The following TMEM132B variants were observed in gnomAD, a reference collection of about 807,000 sequenced individuals.
TMEM132B encodes transmembrane protein 132B.
TMEM132B carries 18 observed loss-of-function variants against 90.8 expected under a neutral mutation model. The observed-to-expected ratio is 0.20, with a 90% CI of 0.14 to 0.29. The LOEUF (loss-of-function observed/expected upper bound fraction) is 0.29, where lower values mean the gene tolerates loss of function less well. Ranked by LOEUF, TMEM132B falls within the 10% of genes least tolerant of loss-of-function variation. The pLI, the probability that TMEM132B is intolerant of heterozygous loss-of-function variation, is 1.00. For synonymous variants in TMEM132B, 504 were observed against 523.3 expected (o/e 0.96, Z 0.50); for missense variants, 1,096 against 1,326.8 (o/e 0.83, Z 2.70).
chr12:125,215,874 C>T (rs933380999), intron 1 of TMEM132B, among the ~76,000 whole-genome samples: 3 of 152,214 alleles, frequency 2.0e-5, no homozygotes, highest in Non-Finnish European at 4.4e-5. Flanking sequence ...ACTGGGTCCA[C>T]CTGGATAACA....
At chr12:125,649,707 C>T in intron 6 of TMEM132B, among the ~76,000 whole-genome samples, 1 of 152,142 alleles carries the variant, frequency 6.6e-6, no homozygotes, top group Admixed American at 6.5e-5. Context: ...CTGACAGAAT[C>T]CCCAGGCACT....
Position 125,401,195 on chromosome 12 carries a change from A to G in TMEM132B, c.960-14336A>G, listed in dbSNP as rs564266187. On this transcript the variant is annotated intron_variant, in intron 2 of 8. Transcript: ENST00000682704. Reference sequence around the variant, plus strand: ...TTCGTGGGACATCCAGAGACGGATGACACCTTAGATAAAGACCCTTCATTC... The same window carrying G: ...TTCGTGGGACATCCAGAGACGGATGGCACCTTAGATAAAGACCCTTCATTC... Among the ~76,000 whole-genome samples the G allele has an allele frequency of 9.8e-5, 15 of 152,306 alleles. No homozygotes were observed. The East Asian group carries it at 2.5e-3, about 25-fold the overall frequency.
rs11058162 is a variant in TMEM132B, at chr12:125,413,874, A to G, written c.960-1657A>G. Among the ~76,000 whole-genome samples, 502 of 128,686 alleles carry G rather than the reference A, an allele frequency of 3.9e-3. 3 individuals carry two copies. Among genetic ancestry groups the G allele is most frequent in the Admixed American group, 6.4e-3 (85 of 13,242 alleles). 84.4% of individuals were successfully genotyped at this position (128,686 alleles called of 152,430 possible). On this transcript the variant is annotated intron_variant, in intron 2 of 8. Coordinates refer to ENST00000682704, the MANE Select transcript of TMEM132B (RefSeq NM_001366854.1). Reference sequence around the variant, plus strand: ...GTATATACCTAGGAGTGGAATTGCTAGACCATATGGTAATTCTGTTTAACT... The same window carrying G: ...GTATATACCTAGGAGTGGAATTGCTGGACCATATGGTAATTCTGTTTAACT...
intron 4 of TMEM132B, among the ~76,000 whole-genome samples, chr12:125,547,893 G>A (rs1884131140): frequency 6.6e-6 from 1 of 152,188 alleles, no homozygotes; most frequent in Non-Finnish European, 1.5e-5. Context: ...GTGCAGCCCC[G>A]AGTTAGCACA....
chr12:125,370,447 A>G (rs1400012462), intron 2 of TMEM132B, among the ~76,000 whole-genome samples: 1 of 152,222 alleles, frequency 6.6e-6, no homozygotes. Flanking sequence ...GTCAACCAAC[A>G]TCTTTTGACT....
At chr12:125,223,725 T>C (rs1210844085) in intron 1 of TMEM132B, among the ~76,000 whole-genome samples, 3 of 152,208 alleles carry the variant, frequency 2.0e-5, no homozygotes, top group African/African-American at 7.2e-5. Flanking sequence ...TTGCCTATTC[T>C]GAACATTTAC....
At chr12:125,279,286 A>C (rs924432) in intron 1 of TMEM132B, among the ~76,000 whole-genome samples, 44,037 of 152,110 alleles carry the variant, frequency 0.29, 7,094 homozygotes, top group East Asian at 0.49. Context: ...AGCAGGCCTG[A>C]GACTGTTATC....
At chr12:125,317,313 A>T (rs889641295) in intron 1 of TMEM132B, among the ~76,000 whole-genome samples, 2 of 152,022 alleles carry the variant, frequency 1.3e-5, no homozygotes, top group African/African-American at 2.4e-5. Context: ...CGATTGTTTA[A>T]ATTCACCTGC....
In TMEM132B at chr12:125,209,642, G is replaced by A. The variant is rs1307963823; in HGVS notation, c.67+22776G>A. Among the ~76,000 whole-genome samples, 1 of 152,262 alleles carries A rather than the reference G, an allele frequency of 6.6e-6. No individual in the cohort carries two copies. The highest frequency in any genetic ancestry group is 2.4e-5 in the African/African-American group (1 of 41,462). The stretch of plus-strand genomic sequence containing the variant: ...CCACCGGCCATTGGCCCAGATCACA[G>A]GCACCTCTTTGGCAGATGTGGAGTC... On this transcript the variant is annotated intron_variant, in intron 1 of 8. Transcript: ENST00000682704. This position sits in a 1 kb window ranked among gnomAD's most constrained non-coding sequence, Gnocchi z 4.4.
chr12:125,366,617 G>C (rs895813849), intron 2 of TMEM132B, among the ~76,000 whole-genome samples: 2 of 152,058 alleles, frequency 1.3e-5, no homozygotes, highest in African/African-American at 4.8e-5. Flanking sequence ...GCCTTTCAAC[G>C]GTTTAGCTAC....
At position 125,645,110 on chromosome 12, in the gene TMEM132B, C is replaced by T. The variant is rs573522467; in HGVS notation, c.1643+829C>T. 8.7e-5 allele frequency among the ~76,000 whole-genome samples: 13 copies of T among 150,040 alleles called. No homozygotes were observed. In the South Asian group the frequency reaches 2.1e-3, roughly 24 times the overall value. On this transcript the variant is annotated intron_variant, in intron 6 of 8. Transcript: ENST00000682704. ...GTGGGCGCCTATAGTCCCAGCTACTCGGGAAGCTGAGGCAGGAGAATGGCC... is the reference window on the plus strand; with the variant it reads ...GTGGGCGCCTATAGTCCCAGCTACTTGGGAAGCTGAGGCAGGAGAATGGCC...
chr12:125,502,112 C>A (rs1882716107), intron 3 of TMEM132B, among the ~76,000 whole-genome samples: 1 of 152,166 alleles, frequency 6.6e-6, no homozygotes, highest in Non-Finnish European at 1.5e-5. Context: ...GGGATCTTTG[C>A]CCTTGCTGTT....
chr12:125,348,667 C>A (rs546769624), intron 1 of TMEM132B, among the ~76,000 whole-genome samples: 3 of 152,102 alleles, frequency 2.0e-5, no homozygotes, highest in African/African-American at 7.2e-5. Flanking sequence ...TTAATCCTTG[C>A]GGCAACCCAG....
intron 1 of TMEM132B, among the ~76,000 whole-genome samples, chr12:125,259,858 G>T (rs1045096261): frequency 1.3e-5 from 2 of 151,892 alleles, no homozygotes; most frequent in Non-Finnish European, 2.9e-5. Flanking sequence ...GAGAGGATGG[G>T]GGTGCTGCCG....
At chr12:125,322,293 T>G (rs1316025168) in intron 1 of TMEM132B, among the ~76,000 whole-genome samples, 3 of 152,228 alleles carry the variant, frequency 2.0e-5, no homozygotes, top group Non-Finnish European at 4.4e-5. Context: ...AGATGTGCCT[T>G]TGTTCCTCCT....
intron 4 of TMEM132B, among the ~76,000 whole-genome samples, chr12:125,531,630 A>G (rs1314641764): frequency 6.6e-6 from 1 of 152,248 alleles, no homozygotes; most frequent in East Asian, 1.9e-4. Flanking sequence ...TATCTAGAAT[A>G]GACTGAAGGT....
rs766246833 is a variant in TMEM132B at position 125,349,640 on chromosome 12, C to G, written c.256C>G (p.Pro86Ala). Reference sequence around the variant, plus strand: ...ATTCTTCATCTACCGAGCCAGGACACCCCCTATTATCAATGCCAGCTATGG... The same window carrying G: ...ATTCTTCATCTACCGAGCCAGGACAGCCCCTATTATCAATGCCAGCTATGG... Reference protein sequence around the residue: ...EPFFIYRARTPPIINASYGPF... With the variant: ...EPFFIYRARTAPIINASYGPF... Residue 86 changes from proline to alanine, a missense_variant, in exon 2 of 9, where the codon CCC (proline) becomes GCC (alanine). By Grantham distance (27) the Pro-to-Ala change is conservative. Transcript: ENST00000682704. The surrounding 1 kb of genome is among the most constrained non-coding windows in gnomAD (Gnocchi z 4.1). The G allele has an allele frequency of 4.3e-6, 7 of 1,614,162 alleles. No individual in the cohort carries two copies. In the South Asian group the frequency reaches 7.7e-5, roughly 18 times the overall value.
intron 1 of TMEM132B, among the ~76,000 whole-genome samples, chr12:125,275,098 C>T (rs1874954342): frequency 6.6e-6 from 1 of 152,232 alleles, no homozygotes; most frequent in Non-Finnish European, 1.5e-5. Flanking sequence ...CTTTACCCAA[C>T]TTCCTCATTC....
chr12:125,432,554 G>T (rs185061950), intron 3 of TMEM132B, among the ~76,000 whole-genome samples: 3 of 72,780 alleles, frequency 4.1e-5, no homozygotes, highest in South Asian at 8.0e-4. Flanking sequence ...GAGAGAGAGA[G>T]AGAGAGAGAG....
Sources: allele counts gnomAD v4.1 joint callset (sites outside exome capture counted in the v4.1 genomes callset), GRCh38; gene constraint gnomAD v4.1.1; non-coding constraint Gnocchi (gnomAD v3.1); transcripts MANE v1.5; gene names NCBI Gene and HGNC (gene_info 2026-07-23, HGNC 2026-07-21).